The following DNAAF8 variants were observed in gnomAD, a reference collection of about 807,000 sequenced individuals.
The protein encoded by DNAAF8 is dynein axonemal-associated protein 1.
In DNAAF8, 61 loss-of-function variants were observed where a neutral mutation model predicts 54.6. The ratio of observed to expected loss-of-function variants is 1.12; its 90% confidence interval spans 0.91 to 1.38. The LOEUF is 1.38. DNAAF8 is among the 40% of genes most tolerant of loss of function. The pLI, the probability that DNAAF8 is intolerant of heterozygous loss-of-function variation, is 0.00. For missense variants in DNAAF8, 837 were observed against 665.0 expected (o/e 1.26, Z -2.85); for synonymous variants, 320 against 270.1 (o/e 1.18, Z -1.81).
intron 8 of DNAAF8, 121 bp downstream of exon 8, chr16:4,747,146 G>C (rs901026673): frequency 3.3e-6 from 4 of 1,214,392 alleles, no homozygotes; most frequent in Non-Finnish European, 4.6e-6. Flanking sequence ...CGCACAGGGT[G>C]AGGGGGACGG....
At chr16:4,744,068 T>C (rs574978057) in intron 5 of DNAAF8, among the ~76,000 whole-genome samples, 6 of 152,116 alleles carry the variant, frequency 3.9e-5, no homozygotes, top group African/African-American at 1.4e-4. Flanking sequence ...TTGCTGGGAT[T>C]ACAGGCACGT....
At position 4,739,265 on chromosome 16, in the gene DNAAF8, G is replaced by GTTTTTTTTTTTTTTT. The variant is rs35113323; in HGVS notation, c.277-881_277-867dup. ...AAACTCTTCTGGATGATTTTTTCTTGTTTTTTTTTTTTTTTTTTTTTGTAA... is the reference window on the plus strand; with the variant it reads ...AAACTCTTCTGGATGATTTTTTCTTGTTTTTTTTTTTTTTTTTTTTTTTTTTTTTTTTTTTTGTAA... On this transcript the variant is annotated intron_variant, in intron 3 of 9. Transcript: ENST00000299320. Among the ~76,000 whole-genome samples the GTTTTTTTTTTTTTTT allele has an allele frequency of 2.9e-3, 201 of 69,046 alleles. 37 individuals carry two copies. The highest frequency in any genetic ancestry group is 8.4e-3 in the East Asian group (15 of 1,780). The allele number at this position is 69,046 out of a possible 152,430, so 45.3% of individuals were successfully genotyped here.
At chr16:4,736,951 G>A (rs1040529303) in intron 2 of DNAAF8, among the ~76,000 whole-genome samples, 2 of 152,158 alleles carry the variant, frequency 1.3e-5, no homozygotes, top group East Asian at 3.9e-4. Context: ...TGATGCAGAA[G>A]CTCTGTCCTT....
At chr16:4,736,120 T>C (rs576027780) in intron 1 of DNAAF8, among the ~76,000 whole-genome samples, 11 of 152,298 alleles carry the variant, frequency 7.2e-5, no homozygotes, top group African/African-American at 2.4e-4. Flanking sequence ...ATATAAAATA[T>C]ACCTATATAT....
At position 4,747,424 on chromosome 16, in the gene DNAAF8, C is replaced by T; in HGVS notation, c.1362C>T (p.Ser454=). The T allele has an allele frequency of 5.0e-6, 8 of 1,613,014 alleles. No individual in the cohort carries two copies. The highest frequency in any genetic ancestry group is 6.8e-6 in the Non-Finnish European group (8 of 1,179,904). ...CAGCCCAGCCCGAGCTGCCTGCCAG[C>T]AAGGGGCCCGCGGGTGGGAGGGCTC... ...KGTAQPELPA[S]KGPAGGRAQA... The change falls in exon 9 of 10, where the codon AGC becomes AGT. Residue 454 remains serine, a synonymous_variant. Transcript: ENST00000299320.
Position 4,747,369 on chromosome 16 carries a change from T to C in DNAAF8, c.1307T>C (p.Leu436Pro). ...LRTCTGKSQL[L>P]QQLRAFQKGT... The stretch of plus-strand genomic sequence containing the variant: ...ACCTGTACCGGGAAAAGCCAGCTTC[T>C]CCAGCAGCTCAGGGCCTTTCAGAAG... Residue 436 changes from leucine to proline, a missense_variant, in exon 9 of 10, where the codon CTC (leucine) becomes CCC (proline). Physicochemically the swap from Leu to Pro is moderately conservative, Grantham distance 98 (BLOSUM62 -3). Coordinates refer to ENST00000299320, the MANE Select transcript of DNAAF8 (RefSeq NM_139170.3). 6.3e-7 allele frequency: 1 copy of C among 1,593,078 alleles called. No individual in the cohort carries two copies. Among genetic ancestry groups the C allele is most frequent in the Non-Finnish European group, 8.6e-7 (1 of 1,167,652 alleles).
Position 4,740,199 on chromosome 16 carries a change from A to C in DNAAF8, c.323A>C (p.Gln108Pro). 2 of 1,614,004 alleles carry C rather than the reference A, an allele frequency of 1.2e-6. No homozygotes were observed. The highest frequency in any genetic ancestry group is 1.7e-6 in the Non-Finnish European group (2 of 1,179,886). Reference protein sequence around the residue: ...AELATEPGCRQNTRTKDASSQ... With the variant: ...AELATEPGCRPNTRTKDASSQ... The stretch of plus-strand genomic sequence containing the variant: ...TTGGCCACAGAACCTGGGTGCAGAC[A>C]GAACACAAGGACAAAGGATGCATCC... Residue 108 changes from glutamine to proline, a missense_variant, in exon 4 of 10, where the codon CAG (glutamine) becomes CCG (proline). By Grantham distance (76) the Gln-to-Pro change is moderately conservative. Coordinates refer to ENST00000299320, the MANE Select transcript of DNAAF8 (RefSeq NM_139170.3).
At chr16:4,745,117 CTCAG>C (rs2081997954) in intron 6 of DNAAF8, 106 bp downstream of exon 6, 1 of 1,373,932 alleles carries the variant, frequency 7.3e-7, no homozygotes, top group East Asian at 2.4e-5. Context: ...TGTGCATTTT[CTCAG>C]TCACTCTCAA....
At chr16:4,744,732 A>G (rs1219597391) in intron 5 of DNAAF8, 138 bp from the exon 6 acceptor site, 5 of 1,084,644 alleles carry the variant, frequency 4.6e-6, no homozygotes, top group Non-Finnish European at 6.5e-6. Context: ...CTGAGTAGGG[A>G]GAGGGCTGGG....
chr16:4,737,730 C>G, intron 2 of DNAAF8, 70 bp from the exon 3 acceptor site: 1 of 1,547,290 alleles, frequency 6.5e-7, no homozygotes, highest in Non-Finnish European at 8.9e-7. Context: ...GAGTGGAGAG[C>G]GGGGGTGGCT....
Position 4,740,163 on chromosome 16 carries a change from T to G in DNAAF8, c.287T>G (p.Val96Gly). 6.2e-7 allele frequency: 1 copy of G among 1,605,240 alleles called. No individual in the cohort carries two copies. Among genetic ancestry groups the G allele is most frequent in the Non-Finnish European group, 8.5e-7 (1 of 1,173,982 alleles). ...AEESLPEPVLVPAELATEPGC... is the reference protein window; with the variant it reads ...AEESLPEPVLGPAELATEPGC... ...CTGTTTTCTTGACAGCCAGTTCTGG[T>G]GCCTGCAGAATTGGCCACAGAACCT... is the stretch of plus-strand genomic sequence containing the variant. The change falls in exon 4 of 10, where the codon GTG (valine) becomes GGG (glycine). Residue 96 changes from valine to glycine, a missense_variant. Physicochemically the swap from Val to Gly is moderately radical, Grantham distance 109 (BLOSUM62 -3). Coordinates refer to ENST00000299320, the MANE Select transcript of DNAAF8 (RefSeq NM_139170.3).
At chr16:4,736,782 G>A (rs1205670435) in intron 2 of DNAAF8, 139 bp downstream of exon 2, 11 of 981,878 alleles carry the variant, frequency 1.1e-5, no homozygotes, top group African/African-American at 8.4e-5. Context: ...ACTTTAAATC[G>A]CATGGCCAGA....
chr16:4,746,173 G>T, intron 6 of DNAAF8: 2 of 532,998 alleles, frequency 3.8e-6, no homozygotes, highest in Non-Finnish European at 6.5e-6. Context: ...CCATCATGAG[G>T]GACGTTCTGT....
chr16:4,746,869 A>T, intron 7 of DNAAF8, 58 bp from the exon 8 acceptor site: 1 of 1,424,660 alleles, frequency 7.0e-7, no homozygotes, highest in Non-Finnish European at 9.4e-7. Flanking sequence ...AAGCCCCAAC[A>T]AGAGTTGGAA....
chr16:4,739,270 T>TTTTTTTTTTTTG (rs2081933351), intron 3 of DNAAF8, among the ~76,000 whole-genome samples: 1 of 133,022 alleles, frequency 7.5e-6, no homozygotes, highest in Non-Finnish European at 1.6e-5. Flanking sequence ...TTCTTGTTTT[T>TTTTTTTTTTTTG]TTTTTTTTTT....
chr16:4,739,399 A>G (rs2081935493), intron 3 of DNAAF8, among the ~76,000 whole-genome samples: 1 of 149,732 alleles, frequency 6.7e-6, no homozygotes, highest in Non-Finnish European at 1.5e-5. Flanking sequence ...TGGGGTATGA[A>G]TTTCTGAGCC....
intron 3 of DNAAF8, among the ~76,000 whole-genome samples, chr16:4,738,951 C>T (rs1022024985): frequency 2.5e-4 from 38 of 152,026 alleles, no homozygotes; most frequent in African/African-American, 7.2e-4. Context: ...AAAATGGAGA[C>T]GGGGCCTAGC....
intron 4 of DNAAF8, among the ~76,000 whole-genome samples, chr16:4,741,357 A>G (rs1378128027): frequency 6.6e-6 from 1 of 152,232 alleles, no homozygotes; most frequent in Non-Finnish European, 1.5e-5. Context: ...CCATATCTAA[A>G]ATATAGAACC....
At chr16:4,746,886 G>A (rs1187347920) in intron 7 of DNAAF8, 41 bp from the exon 8 acceptor site, 1 of 1,487,004 alleles carries the variant, frequency 6.7e-7, no homozygotes, top group Non-Finnish European at 9.0e-7. Context: ...GGAACACCAG[G>A]TGGAGTGGGC....
Sources: allele counts gnomAD v4.1 joint callset (sites outside exome capture counted in the v4.1 genomes callset), GRCh38; gene constraint gnomAD v4.1.1; transcripts MANE v1.5; gene names NCBI Gene and HGNC (gene_info 2026-07-23, HGNC 2026-07-21).